PLIN3: variants seen among roughly 807,000 people sequenced by gnomAD.
PLIN3 encodes perilipin 3.
In PLIN3, 30 loss-of-function variants were observed where a neutral mutation model predicts 35.9. The ratio of observed to expected loss-of-function variants is 0.84; its 90% confidence interval spans 0.62 to 1.13. PLIN3 has a LOEUF of 1.13. Among genes scored for constraint, PLIN3 ranks in the 50% most tolerant of loss-of-function variants. PLIN3 has a pLI of 0.00. For synonymous variants in PLIN3, 261 were observed against 262.5 expected (o/e 0.99, Z 0.06); for missense variants, 603 against 596.9 (o/e 1.01, Z -0.11).
At chr19:4,851,644 G>C (rs1398500481) in intron 5 of PLIN3, among the ~76,000 whole-genome samples, 1 of 151,972 alleles carries the variant, frequency 6.6e-6, no homozygotes, top group Non-Finnish European at 1.5e-5. Context: ...GTGGCGAAGG[G>C]GGAAGAGGAG....
At chr19:4,851,629 G>A (rs2030293732) in intron 5 of PLIN3, among the ~76,000 whole-genome samples, 1 of 152,018 alleles carries the variant, frequency 6.6e-6, no homozygotes, top group Non-Finnish European at 1.5e-5. Context: ...TTATGCAGGA[G>A]CGGAGTGGCG....
At chr19:4,855,940 A>AAAAAG (rs10650668) in intron 4 of PLIN3, among the ~76,000 whole-genome samples, 1 of 148,166 alleles carries the variant, frequency 6.7e-6, no homozygotes. Context: ...AAAAAAAAAA[A>AAAAAG]TGCAAGTTGA....
At chr19:4,856,674 G>A (rs1282167430) in intron 4 of PLIN3, among the ~76,000 whole-genome samples, 2 of 151,004 alleles carry the variant, frequency 1.3e-5, no homozygotes, top group African/African-American at 2.4e-5. Flanking sequence ...AACAATAACC[G>A]ATTAAGCCTC....
At chr19:4,860,180 C>A (rs984903633) in intron 2 of PLIN3, among the ~76,000 whole-genome samples, 156 bp from the exon 3 acceptor site, 1 of 152,132 alleles carries the variant, frequency 6.6e-6, no homozygotes, top group African/African-American at 2.4e-5. Flanking sequence ...AAGCCAGGAA[C>A]CTTGGGGTTT....
chr19:4,841,818 TGGCG>T, intron 7 of PLIN3, among the ~76,000 whole-genome samples: 2 of 135,448 alleles, frequency 1.5e-5, no homozygotes, highest in Admixed American at 8.8e-5. Context: ...GGCAGGAGAA[TGGCG>T]TGAATCCGGG....
chr19:4,844,929 G>A, intron 6 of PLIN3, 136 bp from the exon 7 acceptor site: 1 of 1,029,556 alleles, frequency 9.7e-7, no homozygotes, highest in Non-Finnish European at 1.4e-6. Context: ...AGGGAGGAAG[G>A]GTTTCCTGGC....
intron 4 of PLIN3, among the ~76,000 whole-genome samples, chr19:4,859,377 A>C (rs2656949): frequency 0.57 from 85,928 of 151,896 alleles, 25,002 homozygotes; most frequent in Non-Finnish European, 0.63. Context: ...CAAAAACTAG[A>C]TGGGCATGGT....
intron 7 of PLIN3, among the ~76,000 whole-genome samples, chr19:4,842,599 CAAAAAAAAAAAA>C (rs11383489): frequency 4.3e-5 from 2 of 46,914 alleles, no homozygotes; most frequent in African/African-American, 1.9e-4. Flanking sequence ...GACTCTATCT[CAAAAAAAAAAAA>C]AAAAAAAAAA....
chr19:4,860,683 T>C (rs1307357685), intron 2 of PLIN3, among the ~76,000 whole-genome samples: 1 of 151,978 alleles, frequency 6.6e-6, no homozygotes, highest in East Asian at 1.9e-4. Context: ...TTTTAATTAT[T>C]TTTGGGGCCA....
chr19:4,866,799 G>A (rs2030873386), intron 1 of PLIN3: 1 of 152,302 alleles, frequency 6.6e-6, no homozygotes, highest in African/African-American at 2.4e-5. Flanking sequence ...TGTCCACCAT[G>A]ACTTCCTGGA....
At chr19:4,844,836 G>A (rs1407905296) in intron 6 of PLIN3, 43 bp from the exon 7 acceptor site, 1 of 1,535,118 alleles carries the variant, frequency 6.5e-7, no homozygotes, top group South Asian at 1.2e-5. Context: ...GGCTCCCCTG[G>A]GAGAGACGGG....
intron 1 of PLIN3, among the ~76,000 whole-genome samples, chr19:4,863,640 A>C (rs1363141023): frequency 6.6e-6 from 1 of 151,236 alleles, no homozygotes; most frequent in East Asian, 1.9e-4. Flanking sequence ...CCAACATGGC[A>C]AAACCCCGTC....
intron 5 of PLIN3, among the ~76,000 whole-genome samples, chr19:4,849,049 C>G (rs935001388): frequency 2.7e-5 from 4 of 150,646 alleles, no homozygotes; most frequent in African/African-American, 9.8e-5. Flanking sequence ...ACTGCAGGCT[C>G]AACCTCCCAG....
intron 7 of PLIN3, among the ~76,000 whole-genome samples, chr19:4,843,384 T>A (rs376004842): frequency 6.6e-6 from 1 of 151,778 alleles, no homozygotes; most frequent in Non-Finnish European, 1.5e-5. Flanking sequence ...GGCGGGCGCC[T>A]GTAGTCCCAG....
At chr19:4,847,643 G>A (rs1278116457) in intron 6 of PLIN3, 48 bp downstream of exon 6, 1 of 1,489,672 alleles carries the variant, frequency 6.7e-7, no homozygotes, top group Admixed American at 2.0e-5. Flanking sequence ...GGTGTCTGCT[G>A]CGGGGTGAAG....
rs1055943 is a variant in PLIN3, at chr19:4,838,490, G to A, written c.*702C>T. 6.6e-6 allele frequency: 1 copy of A among 152,184 alleles called. No individual in the cohort carries two copies. Among genetic ancestry groups the A allele is most frequent in the South Asian group, 2.1e-4 (1 of 4,818 alleles). The allele number at this position is 152,184 out of a possible 1,614,324, so 9.4% of individuals were successfully genotyped here. On this transcript the variant is annotated 3_prime_UTR_variant, in exon 8 of 8. Coordinates refer to ENST00000221957, the MANE Select transcript of PLIN3 (RefSeq NM_005817.5). ...ATCCCCAGGAGGCCCACTTAGACCA[G>A]AAATCCCAAGTCCATTAGCTACAGG...
In PLIN3 at chr19:4,847,730, T is replaced by C; in HGVS notation, c.795A>G (p.Ala265=). The part of the protein sequence containing the change: ...LGKLRATKQR[A]QEALLQLSQV... The stretch of plus-strand genomic sequence containing the variant: ...GCGACAGCTGCAGCAGAGCCTCCTG[T>C]GCCCTCTGCTTGGTGGCTCGAAGCT... Residue 265 remains alanine (A), a synonymous_variant, in exon 6 of 8, where the codon GCA becomes GCG. Transcript: ENST00000221957. 1 of 1,610,944 alleles carries C rather than the reference T, an allele frequency of 6.2e-7. No individual in the cohort carries two copies. Among genetic ancestry groups the C allele is most frequent in the Non-Finnish European group, 8.5e-7 (1 of 1,178,928 alleles).
chr19:4,859,993 G>T lies in PLIN3; in HGVS notation c.98C>A (p.Pro33His). 1 of 1,614,096 alleles carries T rather than the reference G, an allele frequency of 6.2e-7. No homozygotes were observed. Among genetic ancestry groups the T allele is most frequent in the Non-Finnish European group, 8.5e-7 (1 of 1,180,016 alleles). Residue 33 changes from proline to histidine, a missense_variant, in exon 3 of 8, where the codon CCT (proline) becomes CAT (histidine). Transcript: ENST00000221957. ...CATGTCGCAGGTGGAGCTGATCAGA[G>T]GCATGCTGGCCACACGGTCCACCAC... The part of the protein sequence containing the change: ...PSVVDRVASM[P>H]LISSTCDMVS...
intron 1 of PLIN3, among the ~76,000 whole-genome samples, chr19:4,863,514 G>C (rs1160639840): frequency 1.4e-5 from 1 of 69,536 alleles, no homozygotes; most frequent in Non-Finnish European, 3.1e-5. Context: ...AAAAAAAAAA[G>C]AGATTTAAAT....
Sources: gnomAD v4.1 joint callset for allele counts (sites outside exome capture counted in the v4.1 genomes callset) on GRCh38, gnomAD v4.1.1 for gene constraint, MANE v1.5 for transcripts, NCBI Gene and HGNC (gene_info 2026-07-23, HGNC 2026-07-21) for gene names.